The following PHACTR1 variants were observed in gnomAD, a reference collection of about 807,000 sequenced individuals.
PHACTR1 encodes the protein RPEL repeat containing 1.
Under a neutral mutation model 69.2 loss-of-function variants are expected in PHACTR1, and 16 were observed. The observed-to-expected ratio is 0.23, with a 90% CI of 0.16 to 0.35. The LOEUF is 0.35. PHACTR1 is among the 10% of genes least tolerant of loss of function. PHACTR1 has a pLI of 1.00. For synonymous variants in PHACTR1, 312 were observed against 284.5 expected (o/e 1.10, Z -0.97); for missense variants, 510 against 734.7 (o/e 0.69, Z 3.54).
intron 3 of PHACTR1, among the ~76,000 whole-genome samples, chr6:12,724,393 A>G (rs551720172): frequency 6.6e-6 from 1 of 152,328 alleles, no homozygotes; most frequent in Admixed American, 6.5e-5. Flanking sequence ...CCCCTTGTAT[A>G]TTCATTGTAT....
intron 4 of PHACTR1, among the ~76,000 whole-genome samples, chr6:12,985,133 A>G (rs1795980351): frequency 6.6e-6 from 1 of 152,252 alleles, no homozygotes. Context: ...GTTCATAGGC[A>G]TCATCAACAT....
intron 5 of PHACTR1, among the ~76,000 whole-genome samples, chr6:13,118,826 A>G (rs1361157923): frequency 6.6e-6 from 1 of 152,156 alleles, no homozygotes; most frequent in Non-Finnish European, 1.5e-5. Flanking sequence ...GAGCCCAGGC[A>G]CTGCAGCTAG....
chr6:13,261,259 G>A (rs928463351), intron 10 of PHACTR1, among the ~76,000 whole-genome samples: 9 of 152,138 alleles, frequency 5.9e-5, no homozygotes, highest in African/African-American at 2.2e-4. Flanking sequence ...GGACAGCTTT[G>A]TTCGTTTGTT....
chr6:13,211,284 C>G (rs1263065460), intron 8 of PHACTR1, among the ~76,000 whole-genome samples: 4 of 152,034 alleles, frequency 2.6e-5, no homozygotes, highest in African/African-American at 9.7e-5. Flanking sequence ...CACCCCTCCC[C>G]CTGAGTCCCC....
chr6:13,113,902 TAACCTGC>T (rs1319022976), intron 5 of PHACTR1, among the ~76,000 whole-genome samples: 1 of 152,194 alleles, frequency 6.6e-6, no homozygotes, highest in Admixed American at 6.5e-5. Context: ...TTGAGCAAGG[TAACCTGC>T]AAGTATCAAA....
intron 4 of PHACTR1, among the ~76,000 whole-genome samples, chr6:13,040,431 A>T (rs1006875460): frequency 6.6e-6 from 1 of 152,242 alleles, no homozygotes; most frequent in African/African-American, 2.4e-5. Context: ...AACTAAAAAG[A>T]TACTATATAC....
At chr6:13,043,612 G>A (rs1804553311) in intron 4 of PHACTR1, among the ~76,000 whole-genome samples, 1 of 152,194 alleles carries the variant, frequency 6.6e-6, no homozygotes, top group Non-Finnish European at 1.5e-5. Flanking sequence ...CAGTGCATCA[G>A]CAGAGTAGAG....
At chr6:12,936,823 A>G (rs188823967) in intron 4 of PHACTR1, among the ~76,000 whole-genome samples, 2 of 152,330 alleles carry the variant, frequency 1.3e-5, no homozygotes, top group East Asian at 1.9e-4. Context: ...GTAAGTCTTG[A>G]GTAACCCAAA....
chr6:12,966,874 T>A (rs9473120), intron 4 of PHACTR1, among the ~76,000 whole-genome samples: 2 of 152,076 alleles, frequency 1.3e-5, no homozygotes, highest in African/African-American at 4.8e-5. Flanking sequence ...CTTACAGATG[T>A]GCTCGTGAAC....
chr6:13,135,340 C>T (rs1821380855), intron 5 of PHACTR1, among the ~76,000 whole-genome samples: 1 of 152,192 alleles, frequency 6.6e-6, no homozygotes, highest in Admixed American at 6.5e-5. Flanking sequence ...CCCTGTCATT[C>T]TGGGAGCCCT....
At chr6:12,877,545 A>G (rs1782661413) in intron 4 of PHACTR1, among the ~76,000 whole-genome samples, 2 of 152,230 alleles carry the variant, frequency 1.3e-5, no homozygotes, top group Middle Eastern at 3.4e-3. Context: ...GTGCCCAATC[A>G]CAGCCGTCTG....
At chr6:13,206,255 TG>T in intron 8 of PHACTR1, 119 bp downstream of exon 8, 2 of 1,105,494 alleles carry the variant, frequency 1.8e-6, no homozygotes, top group South Asian at 3.8e-5. Flanking sequence ...TGGGGGAAAA[TG>T]TTTGAAAGTA....
chr6:13,202,461 T>G (rs1765362303), intron 7 of PHACTR1, among the ~76,000 whole-genome samples: 1 of 151,814 alleles, frequency 6.6e-6, no homozygotes, highest in Non-Finnish European at 1.5e-5. Flanking sequence ...CATACTGCAT[T>G]TGCTAGGTTT....
intron 4 of PHACTR1, among the ~76,000 whole-genome samples, chr6:12,851,651 T>C (rs894533901): frequency 1.2e-4 from 18 of 152,322 alleles, no homozygotes; most frequent in African/African-American, 4.3e-4. Context: ...TCCCAAATCC[T>C]TAATAATCTA....
chr6:13,234,572 G>C (rs915544238), intron 10 of PHACTR1, among the ~76,000 whole-genome samples: 1 of 151,754 alleles, frequency 6.6e-6, no homozygotes, highest in Non-Finnish European at 1.5e-5. Context: ...ATCCCAAATT[G>C]AGGGTGAGGA....
At chr6:12,765,549 C>T (rs1768503809) in intron 4 of PHACTR1, among the ~76,000 whole-genome samples, 2 of 152,136 alleles carry the variant, frequency 1.3e-5, no homozygotes, top group Admixed American at 1.3e-4. Flanking sequence ...TATCTACAAA[C>T]ATCTTCATAT....
chr6:13,247,831 C>T (rs1050546815), intron 10 of PHACTR1, among the ~76,000 whole-genome samples: 1 of 152,088 alleles, frequency 6.6e-6, no homozygotes, highest in Non-Finnish European at 1.5e-5. Context: ...AGCCACTGCA[C>T]TCCAGCCTGG....
Position 13,199,399 on chromosome 6 carries a change from A to C in PHACTR1, c.665-6416A>C, listed in dbSNP as rs1466185349. ...AGTCCATCTCAAAAAAAAAAAAAAA[A>C]AAAAAAAAAAAAACATTGGCATCTT... On this transcript the variant is annotated intron_variant, in intron 7 of 14. Coordinates refer to ENST00000332995, the MANE Select transcript of PHACTR1 (RefSeq NM_030948.6). Among the ~76,000 whole-genome samples, 4 of 150,870 alleles carry C rather than the reference A, an allele frequency of 2.7e-5. No individual in the cohort carries two copies. The East Asian group carries it at 5.9e-4, about 22-fold the overall frequency.
At chr6:12,920,632 G>A (rs1787534255) in intron 4 of PHACTR1, among the ~76,000 whole-genome samples, 1 of 152,192 alleles carries the variant, frequency 6.6e-6, no homozygotes, top group Non-Finnish European at 1.5e-5. Context: ...TAAATTTGTA[G>A]CTACATTATA....
Sources: gnomAD v4.1 joint callset for allele counts (sites outside exome capture counted in the v4.1 genomes callset) on GRCh38, gnomAD v4.1.1 for gene constraint, MANE v1.5 for transcripts, NCBI Gene and HGNC (gene_info 2026-07-23, HGNC 2026-07-21) for gene names.